PSMD1: variants seen among roughly 807,000 people sequenced by gnomAD.
PSMD1 encodes the protein 26S proteasome non-ATPase regulatory subunit 1.
PSMD1 carries 18 observed loss-of-function variants against 119.0 expected under a neutral mutation model. That is an observed-to-expected ratio of 0.15 (90% confidence interval 0.10 to 0.22). The LOEUF (loss-of-function observed/expected upper bound fraction) is 0.22, where lower values mean the gene tolerates loss of function less well. Among genes scored for constraint, PSMD1 ranks in the 10% least tolerant of loss-of-function variants. The probability of loss-of-function intolerance (pLI) is 1.00; values close to 1 mark genes in which losing one functional copy is unlikely to be tolerated. For synonymous variants in PSMD1, 374 were observed against 396.6 expected (o/e 0.94, Z 0.68); for missense variants, 702 against 1,158.5 (o/e 0.61, Z 5.72).
intron 16 of PSMD1, chr2:231,124,109 C>T (rs1695655015): frequency 3.8e-6 from 1 of 261,696 alleles, no homozygotes; most frequent in Non-Finnish European, 7.5e-6. Flanking sequence ...CGTGTTTGAA[C>T]TTGCATGCCA....
rs1240992827 is a variant in PSMD1 at position 231,078,863 on chromosome 2, C to T, written c.1160+116C>T. The T allele has an allele frequency of 2.2e-5, 14 of 630,156 alleles. No individual in the cohort carries two copies. In the East Asian group the frequency reaches 4.0e-4, roughly 18 times the overall value. The allele number at this position is 630,156 out of a possible 1,614,324, so 39.0% of individuals were successfully genotyped here. ...AGGCCGGAGGGCAGTGATGCGATCT[C>T]GGCTCACTGCAACTTCCATCTCCTG... On this transcript the variant is annotated intron_variant, in intron 10 of 24. Transcript: ENST00000308696.
intron 18 of PSMD1, among the ~76,000 whole-genome samples, chr2:231,149,071 TG>T (rs1233303811): frequency 6.6e-6 from 1 of 152,254 alleles, no homozygotes; most frequent in Admixed American, 6.5e-5. Context: ...AAATTCACAA[TG>T]GAAATTCCCA....
At chr2:231,123,558 A>C (rs1312847374) in intron 16 of PSMD1, 4 of 1,614,006 alleles carry the variant, frequency 2.5e-6, no homozygotes, top group Non-Finnish European at 3.4e-6. Context: ...TATTTCCACC[A>C]ATTGTGGGTA....
chr2:231,136,220 G>A (rs774828562), intron 16 of PSMD1, among the ~76,000 whole-genome samples: 4 of 152,050 alleles, frequency 2.6e-5, no homozygotes, highest in African/African-American at 9.7e-5. Context: ...GTAGGATTTC[G>A]GTTCACTTTA....
intron 21 of PSMD1, 157 bp from the exon 22 acceptor site, chr2:231,165,042 AT>A (rs1250461708): frequency 2.7e-4 from 3 of 11,180 alleles, no homozygotes; most frequent in African/African-American, 1.2e-3. Context: ...ATTTATATAT[AT>A]ATATATATAT....
In PSMD1 at chr2:231,114,849, TA is replaced by T. The variant is rs1370718503; in HGVS notation, c.1884-23885del. Among the ~76,000 whole-genome samples the T allele has an allele frequency of 3.3e-5, 5 of 152,298 alleles. No homozygotes were observed. The East Asian group carries it at 5.8e-4, about 18-fold the overall frequency. Reference sequence around the variant, plus strand: ...TGCATTATATATTACACCCACCACTTAACATGTTTACAGTTTCAAAACAACT... The same window carrying T: ...TGCATTATATATTACACCCACCACTTACATGTTTACAGTTTCAAAACAACT... On this transcript the variant is annotated intron_variant, in intron 16 of 24. Transcript: ENST00000308696.
chr2:231,089,173 A>G (rs573492003), intron 16 of PSMD1, among the ~76,000 whole-genome samples: 9 of 152,200 alleles, frequency 5.9e-5, no homozygotes, highest in Non-Finnish European at 1.2e-4. Context: ...AAGTTTGGGG[A>G]AAGAAGCTGT....
intron 12 of PSMD1, among the ~76,000 whole-genome samples, chr2:231,081,144 T>TTAAAAA (rs1267811049): frequency 1.4e-5 from 1 of 74,040 alleles, no homozygotes; most frequent in Admixed American, 1.6e-4. Context: ...AAACTCTGTC[T>TTAAAAA]AAAAAAAAAA....
At chr2:231,129,471 G>A (rs1358827068) in intron 16 of PSMD1, among the ~76,000 whole-genome samples, 1 of 152,152 alleles carries the variant, frequency 6.6e-6, no homozygotes, top group Middle Eastern at 3.2e-3. Context: ...CATTTTAGCA[G>A]CACCTGAAAA....
At chr2:231,062,043 G>T (rs561082725) in intron 2 of PSMD1, among the ~76,000 whole-genome samples, 1 of 152,100 alleles carries the variant, frequency 6.6e-6, no homozygotes, top group Non-Finnish European at 1.5e-5. Flanking sequence ...TATATTCAAA[G>T]AAGAAAAATG....
intron 16 of PSMD1, among the ~76,000 whole-genome samples, chr2:231,088,719 C>A (rs891161647): frequency 6.6e-6 from 1 of 152,168 alleles, no homozygotes; most frequent in African/African-American, 2.4e-5. Context: ...CCCTGAGACA[C>A]AATAATATTG....
intron 21 of PSMD1, 38 bp from the exon 22 acceptor site, chr2:231,165,162 T>A (rs954466338): frequency 6.6e-7 from 1 of 1,521,974 alleles, no homozygotes. Flanking sequence ...TGTATGTCAG[T>A]AAGGGATTAC....
chr2:231,163,495 T>C, intron 20 of PSMD1, 140 bp from the exon 21 acceptor site: 2 of 567,220 alleles, frequency 3.5e-6, no homozygotes, highest in Non-Finnish European at 6.3e-6. Context: ...TCAGTAAAAG[T>C]AGACATGGCT....
rs201274207 is a variant in PSMD1, at chr2:231,066,974, C to T, written c.373C>T (p.Pro125Ser). 6.2e-7 allele frequency: 1 copy of T among 1,612,822 alleles called. No individual in the cohort carries two copies. Among genetic ancestry groups the T allele is most frequent in the African/African-American group, 1.3e-5 (1 of 74,960 alleles). ...AGATTTGCCTGAAGGAGAAAAAAAA[C>T]CAATTGACCAGAGATTGGAAGGCAT... ...NADLPEGEKK[P>S]IDQRLEGIVN... Residue 125 changes from proline (P) to serine (S), a missense_variant, in exon 5 of 25, where the codon CCA becomes TCA. By Grantham distance (74) the Pro-to-Ser change is moderately conservative. Around this residue, in one of 9 missense-constraint regions of PSMD1, gnomAD observed 50 missense variants for 41.8 expected, o/e 1.20. Transcript: ENST00000308696.
chr2:231,101,200 G>A lies in PSMD1; in HGVS notation c.1883+14019G>A, dbSNP rs549722640. On this transcript the variant is annotated intron_variant, in intron 16 of 24. Transcript: ENST00000308696. ...CCAAGTAGAGAGCAGTCCTGCACAC[G>A]AGTGATCAAAGGTTAGTGTCTGGAG... is the stretch of plus-strand genomic sequence containing the variant. 8.5e-5 allele frequency among the ~76,000 whole-genome samples: 13 copies of A among 152,268 alleles called. No homozygotes were observed. The South Asian group carries it at 2.5e-3, about 29-fold the overall frequency.
intron 15 of PSMD1, among the ~76,000 whole-genome samples, chr2:231,085,467 A>C (rs541113748): frequency 4.0e-4 from 61 of 152,302 alleles, no homozygotes; most frequent in Non-Finnish European, 7.4e-4. Context: ...GGAACCATTT[A>C]TTTCTTTTTA....
At chr2:231,110,641 G>T (rs1301092485) in intron 16 of PSMD1, among the ~76,000 whole-genome samples, 1 of 152,172 alleles carries the variant, frequency 6.6e-6, no homozygotes, top group Non-Finnish European at 1.5e-5. Context: ...TTCTAACAGA[G>T]GTCATTACTT....
chr2:231,126,534 G>A (rs1405992991), intron 16 of PSMD1, among the ~76,000 whole-genome samples: 2 of 152,106 alleles, frequency 1.3e-5, no homozygotes, highest in African/African-American at 2.4e-5. Context: ...GGCAGGTAGG[G>A]ATCTGCAAAA....
intron 16 of PSMD1, among the ~76,000 whole-genome samples, chr2:231,092,663 C>T (rs1694624040): frequency 6.6e-6 from 1 of 152,132 alleles, no homozygotes; most frequent in Non-Finnish European, 1.5e-5. Flanking sequence ...GGTTGCTCTG[C>T]AAGTGTCAGT....
Sources: allele counts gnomAD v4.1 joint callset (sites outside exome capture counted in the v4.1 genomes callset), GRCh38; gene constraint gnomAD v4.1.1; regional missense constraint gnomAD v4.1.1; transcripts MANE v1.5; gene names NCBI Gene and HGNC (gene_info 2026-07-23, HGNC 2026-07-21).